The following FAM162B variants were observed in gnomAD, a reference collection of about 807,000 sequenced individuals.
FAM162B encodes family with sequence similarity 162 member B.
FAM162B carries 16 observed loss-of-function variants against 20.0 expected under a neutral mutation model. That is an observed-to-expected ratio of 0.80 (90% CI 0.54 to 1.21). The LOEUF is 1.21. FAM162B is among the 50% of genes most tolerant of loss of function. The pLI is 0.00. For synonymous variants in FAM162B, 83 were observed against 89.7 expected, an observed-to-expected ratio of 0.93 and a Z score of 0.42; for missense variants, 260 against 227.5, an observed-to-expected ratio of 1.14 and a Z score of -0.92.
chr6:116,753,967 C>T (rs988818534), intron 3 of FAM162B, among the ~76,000 whole-genome samples: 5 of 152,172 alleles, frequency 3.3e-5, no homozygotes, highest in African/African-American at 1.2e-4. Context: ...GATTTTCATT[C>T]CCAATGCTCT....
chr6:116,759,565 C>T (rs1158666590), intron 3 of FAM162B, among the ~76,000 whole-genome samples: 1 of 152,046 alleles, frequency 6.6e-6, no homozygotes, highest in Non-Finnish European at 1.5e-5. Flanking sequence ...CCTCGGCCTC[C>T]CAAAGTGCTG....
intron 3 of FAM162B, among the ~76,000 whole-genome samples, chr6:116,758,101 C>T (rs1248800359): frequency 2.6e-5 from 4 of 152,182 alleles, no homozygotes; most frequent in African/African-American, 9.6e-5. Context: ...GGAATGAAAA[C>T]CTTGAAAAGG....
At chr6:116,755,024 C>T (rs564397952) in intron 3 of FAM162B, among the ~76,000 whole-genome samples, 1 of 152,254 alleles carries the variant, frequency 6.6e-6, no homozygotes, top group Admixed American at 6.5e-5. Flanking sequence ...CCTCCCTATT[C>T]CTTGAGATGC....
chr6:116,760,819 A>C (rs951991958), intron 3 of FAM162B, among the ~76,000 whole-genome samples: 1 of 152,196 alleles, frequency 6.6e-6, no homozygotes. Flanking sequence ...TAGGCTTGTA[A>C]GTCCTAATCC....
rs150118280 is a variant in FAM162B, at chr6:116,754,041, G to T, written c.391-1346C>A. ...GGCTAGTTTGCATTCTCCAACAAAG[G>T]GTAAGTGAAAAATGTCACATTGGCC... On this transcript the variant is annotated intron_variant, in intron 3 of 3. Coordinates refer to ENST00000368557, the MANE Select transcript of FAM162B (RefSeq NM_001085480.3). 2.6e-5 allele frequency among the ~76,000 whole-genome samples: 4 copies of T among 152,202 alleles called. No individual in the cohort carries two copies. In the East Asian group the frequency reaches 7.7e-4, roughly 29 times the overall value.
intron 3 of FAM162B, among the ~76,000 whole-genome samples, chr6:116,756,116 T>A (rs540277451): frequency 1.3e-5 from 2 of 152,216 alleles, no homozygotes; most frequent in Non-Finnish European, 2.9e-5. Flanking sequence ...CTACCATAGA[T>A]AGTGATTCCT....
chr6:116,758,325 G>T (rs1056688334), intron 3 of FAM162B, among the ~76,000 whole-genome samples: 1 of 152,218 alleles, frequency 6.6e-6, no homozygotes, highest in African/African-American at 2.4e-5. Context: ...GCATGAAATA[G>T]TTGGATGGCT....
At chr6:116,753,476 C>T (rs1383611589) in intron 3 of FAM162B, among the ~76,000 whole-genome samples, 1 of 151,976 alleles carries the variant, frequency 6.6e-6, no homozygotes, top group Non-Finnish European at 1.5e-5. Context: ...AAAGTGGAGC[C>T]AATGGGGTTG....
chr6:116,752,908 A>T (rs1780009453), intron 3 of FAM162B, among the ~76,000 whole-genome samples: 1 of 151,920 alleles, frequency 6.6e-6, no homozygotes, highest in South Asian at 2.1e-4. Flanking sequence ...AAGAGGCCAT[A>T]TTTGAAGTTA....
intron 3 of FAM162B, among the ~76,000 whole-genome samples, chr6:116,754,921 C>A (rs1042163192): frequency 6.6e-6 from 1 of 152,066 alleles, no homozygotes; most frequent in Non-Finnish European, 1.5e-5. Context: ...CATAAGTATG[C>A]CCATATAAGA....
rs142898371 is a variant in FAM162B, at chr6:116,758,660, A to T, written c.390+3317T>A. On this transcript the variant is annotated intron_variant, in intron 3 of 3. Transcript: ENST00000368557. ...AATGTCTACCTAACCACTATAAAGA[A>T]TTCCCTCATATATTCTTTTGGTGAT... is the stretch of plus-strand genomic sequence containing the variant. 3.7e-3 allele frequency among the ~76,000 whole-genome samples: 556 copies of T among 152,040 alleles called. 17 individuals are homozygous for T. The highest frequency in any genetic ancestry group is 0.027 in the Admixed American group (414 of 15,268).
chr6:116,758,287 CTG>C (rs1204218237), intron 3 of FAM162B, among the ~76,000 whole-genome samples: 1 of 152,160 alleles, frequency 6.6e-6, no homozygotes, highest in Non-Finnish European at 1.5e-5. Flanking sequence ...ATGGGGAGGA[CTG>C]TGGAGGTGTA....
chr6:116,763,133 A>G (rs1242153207), intron 2 of FAM162B, among the ~76,000 whole-genome samples: 1 of 152,160 alleles, frequency 6.6e-6, no homozygotes, highest in East Asian at 1.9e-4. Context: ...AAGTTTTAAG[A>G]TGTTAGTTGC....
chr6:116,765,115 A>G, intron 2 of FAM162B, 32 bp downstream of exon 2: 1 of 1,603,576 alleles, frequency 6.2e-7, no homozygotes, highest in Non-Finnish European at 8.5e-7. Flanking sequence ...CCGGGGACCG[A>G]CTCTCCTTCG....
intron 2 of FAM162B, among the ~76,000 whole-genome samples, chr6:116,762,847 C>A (rs75025208): frequency 6.6e-6 from 1 of 151,902 alleles, no homozygotes; most frequent in South Asian, 2.1e-4. Flanking sequence ...GGGACTTTTA[C>A]GTTGAAATAA....
At chr6:116,753,255 T>G (rs1177657030) in intron 3 of FAM162B, among the ~76,000 whole-genome samples, 2 of 152,176 alleles carry the variant, frequency 1.3e-5, no homozygotes, top group Non-Finnish European at 2.9e-5. Context: ...TTCCCCAAAT[T>G]TACCTGAACT....
At position 116,763,487 on chromosome 6, in the gene FAM162B, A is replaced by G. The variant is rs186476594; in HGVS notation, c.282-1402T>C. Among the ~76,000 whole-genome samples, 74 of 152,264 alleles carry G rather than the reference A, an allele frequency of 4.9e-4. 1 individual carries two copies. Among genetic ancestry groups the G allele is most frequent in the African/African-American group, 1.8e-3 (74 of 41,578 alleles). On this transcript the variant is annotated intron_variant, in intron 2 of 3. Coordinates refer to ENST00000368557, the MANE Select transcript of FAM162B (RefSeq NM_001085480.3). ...AAAATAATAAAATGAAAAATACTCA[A>G]ATACTTTTATGTTTCCAATGCAAAA...
chr6:116,763,568 C>T (rs1335504954), intron 2 of FAM162B, among the ~76,000 whole-genome samples: 3 of 152,054 alleles, frequency 2.0e-5, no homozygotes, highest in South Asian at 2.1e-4. Context: ...GTTTATAATA[C>T]ATCTTTTGAC....
chr6:116,761,647 CTT>C (rs1328937054), intron 3 of FAM162B, among the ~76,000 whole-genome samples: 1 of 54,724 alleles, frequency 1.8e-5, no homozygotes, highest in Non-Finnish European at 3.3e-5. Context: ...TATATATACA[CTT>C]ATATATATAC....
Sources: gnomAD v4.1 joint callset for allele counts (sites outside exome capture counted in the v4.1 genomes callset) on GRCh38, gnomAD v4.1.1 for gene constraint, MANE v1.5 for transcripts, NCBI Gene and HGNC (gene_info 2026-07-23, HGNC 2026-07-21) for gene names.